CCND3: variants seen among roughly 807,000 people sequenced by gnomAD.
CCND3 encodes G1/S-specific cyclin-D3.
Under a neutral mutation model 28.7 loss-of-function variants are expected in CCND3, and 9 were observed. The ratio of observed to expected loss-of-function variants is 0.31; its 90% CI spans 0.19 to 0.55. CCND3 has a LOEUF of 0.55. Among genes scored for constraint, CCND3 ranks in the 20% least tolerant of loss-of-function variants. The pLI, the probability that CCND3 is intolerant of heterozygous loss-of-function variation, is 0.93. For synonymous variants in CCND3, 164 were observed against 163.9 expected (o/e 1.00, Z 0.00); for missense variants, 315 against 385.8 (o/e 0.82, Z 1.54).
rs34556754 is a variant in CCND3 at position 41,954,250 on chromosome 6, TA to T, written c.-45-13666del. ...TGGGGTACAGAGCAAGATTCTGCCT[TA>T]AAAAAAAAAAAAAAAAAAAAAAAAG... On this transcript the variant is annotated intron_variant, in intron 1 of 4. Coordinates refer to the CCND3 transcript ENST00000372988. 3.5e-3 allele frequency among the ~76,000 whole-genome samples: 122 copies of T among 35,130 alleles called. 1 individual carries two copies. The highest frequency in any genetic ancestry group is 1.0e-2 in the African/African-American group (77 of 7,730). The allele number at this position is 35,130 out of a possible 152,430, so 23.0% of individuals were successfully genotyped here.
At chr6:41,957,053 A>G (rs564872462) in intron 1 of CCND3, among the ~76,000 whole-genome samples, 9 of 152,302 alleles carry the variant, frequency 5.9e-5, no homozygotes, top group Non-Finnish European at 1.3e-4. Context: ...CAAACAAACA[A>G]AAAACAATGG....
Position 42,011,074 on chromosome 6 carries a change from G to GTGAATGAATGAA in CCND3, c.-46+37415_-46+37426dup, listed in dbSNP as rs35481277. The GTGAATGAATGAA allele has an allele frequency of 1.9e-4, 28 of 150,430 alleles. No homozygotes were observed. The South Asian group carries it at 2.7e-3, about 15-fold the overall frequency. The allele number at this position is 150,430 out of a possible 1,614,324, so 9.3% of individuals were successfully genotyped here. On this transcript the variant is annotated intron_variant, in intron 1 of 4. Transcript: ENST00000372988. ...CTTGAATCTGTAAGAACAACTGGTAGTGAATGAATGAATGAATGAATGAAT... is the reference window on the plus strand; with the variant it reads ...CTTGAATCTGTAAGAACAACTGGTAGTGAATGAATGAATGAATGAATGAATGAATGAATGAAT...
At chr6:41,975,673 AG>A (rs952641182) in intron 1 of CCND3, among the ~76,000 whole-genome samples, 1 of 151,142 alleles carries the variant, frequency 6.6e-6, no homozygotes, top group African/African-American at 2.4e-5. Flanking sequence ...ACTCACTGGG[AG>A]TAGTGAAAAT....
intron 1 of CCND3, among the ~76,000 whole-genome samples, chr6:42,033,870 A>C (rs1210806379): frequency 6.7e-6 from 1 of 149,860 alleles, no homozygotes; most frequent in African/African-American, 2.5e-5. Context: ...AAAAAATTAA[A>C]ACATTTTTAA....
intron 1 of CCND3, among the ~76,000 whole-genome samples, chr6:41,958,973 C>G (rs1438179373): frequency 1.3e-5 from 2 of 152,176 alleles, no homozygotes; most frequent in African/African-American, 4.8e-5. Context: ...TCTAGGTATA[C>G]ACCATGAAAA....
intron 1 of CCND3, among the ~76,000 whole-genome samples, chr6:41,985,853 T>A (rs61463626): frequency 1.9e-3 from 4 of 2,140 alleles, no homozygotes; most frequent in African/African-American, 2.0e-3. Context: ...ATGGTCTCGA[T>A]CTCCTGACCT....
chr6:41,974,245 C>T (rs904273569), intron 1 of CCND3, among the ~76,000 whole-genome samples: 3 of 152,106 alleles, frequency 2.0e-5, no homozygotes, highest in African/African-American at 4.8e-5. Flanking sequence ...TACTATCATT[C>T]GTGCACCCAT....
Position 41,936,074 on chromosome 6 carries a change from C to T in CCND3, c.745G>A (p.Ala249Thr), listed in dbSNP as rs763029528. The stretch of plus-strand genomic sequence containing the variant: ...TCCCTGAGGCTCTCCCTGAGTGCAG[C>T]TTCGATCTGCTCCTGACAGGCCCGC... ...CLRACQEQIE[A>T]ALRESLREAS... Residue 249 changes from alanine (A) to threonine (T), a missense_variant, in exon 5 of 5, where the codon GCT (alanine) becomes ACT (threonine). Physicochemically the swap from Ala to Thr is moderately conservative, Grantham distance 58. Transcript: ENST00000372991. This position sits in a 1 kb window ranked among gnomAD's most constrained non-coding sequence, Gnocchi z 4.4. 81 of 1,608,882 alleles carry T rather than the reference C, an allele frequency of 5.0e-5. No homozygotes were observed. The highest frequency in any genetic ancestry group is 6.6e-5 in the Non-Finnish European group (78 of 1,177,264).
Position 42,036,959 on chromosome 6 carries a change from G to A in CCND3, c.-46+11542C>T, listed in dbSNP as rs1334082629. Among the ~76,000 whole-genome samples, 6 of 151,572 alleles carry A rather than the reference G, an allele frequency of 4.0e-5. No homozygotes were observed. The South Asian group carries it at 1.0e-3, about 26-fold the overall frequency. ...GTTTTGTTTTGTTTTGTTTTTTTGAGACAGACTCTTGCTCTGTCACCCAGG... is the reference window on the plus strand; with the variant it reads ...GTTTTGTTTTGTTTTGTTTTTTTGAAACAGACTCTTGCTCTGTCACCCAGG... On this transcript the variant is annotated intron_variant, in intron 1 of 4. Transcript: ENST00000372988.
intron 1 of CCND3, among the ~76,000 whole-genome samples, chr6:41,961,827 C>T (rs544867620): frequency 1.3e-5 from 2 of 152,142 alleles, no homozygotes; most frequent in Non-Finnish European, 2.9e-5. Flanking sequence ...TGTCCCTGTC[C>T]CTTCTCTTGT....
intron 1 of CCND3, among the ~76,000 whole-genome samples, chr6:42,034,333 A>T (rs1158440755): frequency 6.6e-6 from 1 of 151,510 alleles, no homozygotes; most frequent in Non-Finnish European, 1.5e-5. Context: ...TTTTTAGTAG[A>T]GACAGGGTTT....
chr6:42,002,661 G>A (rs1393238006), intron 1 of CCND3, among the ~76,000 whole-genome samples: 1 of 151,050 alleles, frequency 6.6e-6, no homozygotes, highest in African/African-American at 2.4e-5. Context: ...GACCATCCTG[G>A]CTAACGTGGT....
Position 41,936,115 on chromosome 6 carries a change from C to A in CCND3, c.712-8G>T. On this transcript the variant is annotated splice_region_variant and splice_polypyrimidine_tract_variant and intron_variant, in intron 4 of 4. Transcript: ENST00000372991. This position sits in a 1 kb window ranked among gnomAD's most constrained non-coding sequence, Gnocchi z 4.4. ...ACAGGCCCGCAGGCAGTCCTGGGAA[C>A]ATGGGAGAAGAGTGAGGAGCAAACA... The A allele has an allele frequency of 6.4e-7, 1 of 1,572,886 alleles. No homozygotes were observed. The highest frequency in any genetic ancestry group is 8.6e-7 in the Non-Finnish European group (1 of 1,158,570).
intron 1 of CCND3, among the ~76,000 whole-genome samples, chr6:41,991,739 A>G (rs1033655893): frequency 6.6e-6 from 1 of 152,022 alleles, no homozygotes; most frequent in African/African-American, 2.4e-5. Flanking sequence ...ATCTCTCCCT[A>G]TGCTTCCTTT....
chr6:42,023,707 A>G (rs112020086), intron 1 of CCND3, among the ~76,000 whole-genome samples: 1,503 of 25,540 alleles, frequency 0.059, 19 homozygotes, highest in African/African-American at 0.17. Flanking sequence ...TCCGCCATCT[A>G]TCATCTATTA....
rs149251151 is a variant in CCND3, at chr6:42,021,284, C to T, written c.-46+27217G>A. Among the ~76,000 whole-genome samples the T allele has an allele frequency of 3.9e-5, 6 of 152,318 alleles. No individual in the cohort carries two copies. The East Asian group carries it at 9.6e-4, about 24-fold the overall frequency. On this transcript the variant is annotated intron_variant, in intron 1 of 4. Coordinates refer to the CCND3 transcript ENST00000372988. Reference sequence around the variant, plus strand: ...AATATACAGAGAGTCTGGTACTATCCGCTGTTCCAGGCATCCACTAGGGAT... The same window carrying T: ...AATATACAGAGAGTCTGGTACTATCTGCTGTTCCAGGCATCCACTAGGGAT...
chr6:42,012,267 G>A (rs374116792), intron 1 of CCND3, among the ~76,000 whole-genome samples: 1 of 152,022 alleles, frequency 6.6e-6, no homozygotes, highest in Non-Finnish European at 1.5e-5. Flanking sequence ...TTAGCTGGGC[G>A]TGGTGGCGGG....
At position 41,935,647 on chromosome 6, in the gene CCND3, G is replaced by A; in HGVS notation, c.*293C>T. On this transcript the variant is annotated 3_prime_UTR_variant, in exon 5 of 5. Coordinates refer to ENST00000372991, the MANE Select transcript of CCND3 (RefSeq NM_001760.5). ...GGGGGCGTTCAAAAGGAATGCTGGT[G>A]TATGTATCCAATTCTGTCCCATCAG... 2.0e-6 allele frequency: 1 copy of A among 494,508 alleles called. No homozygotes were observed. The allele number at this position is 494,508 out of a possible 1,614,324, so 30.6% of individuals were successfully genotyped here. A position where few individuals can be genotyped will look rare whatever the true frequency, so the allele number is the denominator to read the frequency against.
chr6:41,944,185 A>T (rs1480352720), upstream of CCND3, among the ~76,000 whole-genome samples: 1 of 152,064 alleles, frequency 6.6e-6, no homozygotes, highest in East Asian at 1.9e-4. Context: ...TAAAAAAAAA[A>T]AATAAGCTGG....
Sources: allele counts gnomAD v4.1 joint callset (sites outside exome capture counted in the v4.1 genomes callset), GRCh38; gene constraint gnomAD v4.1.1; non-coding constraint Gnocchi (gnomAD v3.1); transcripts MANE v1.5; gene names NCBI Gene and HGNC (gene_info 2026-07-23, HGNC 2026-07-21).